Variants in COL19A1 observed in about 807,000 individuals in gnomAD.
COL19A1 encodes collagen alpha-1(XIX) chain.
COL19A1 carries 159 observed loss-of-function variants against 190.2 expected under a neutral mutation model. The observed-to-expected ratio is 0.84, with a 90% CI of 0.73 to 0.95. The LOEUF (loss-of-function observed/expected upper bound fraction) is 0.95, where lower values mean the gene tolerates loss of function less well. Ranked by LOEUF, COL19A1 falls within the 40% of genes least tolerant of loss-of-function variation. COL19A1 has a pLI of 0.00. For synonymous variants in COL19A1, 509 were observed against 458.9 expected (o/e 1.11, Z -1.39); for missense variants, 1,418 against 1,431.9 (o/e 0.99, Z 0.16).
At chr6:70,038,534 A>G (rs186439502) in intron 14 of COL19A1, among the ~76,000 whole-genome samples, 19 of 152,330 alleles carry the variant, frequency 1.2e-4, no homozygotes. Context: ...GCATACTAGT[A>G]AAATGAAGTT....
At chr6:69,992,406 T>C (rs541843663) in intron 11 of COL19A1, among the ~76,000 whole-genome samples, 38 of 152,196 alleles carry the variant, frequency 2.5e-4, no homozygotes, top group African/African-American at 9.2e-4. Flanking sequence ...AATGTTTTTC[T>C]CTAATTCTGT....
At position 70,188,090 on chromosome 6, in the gene COL19A1, C is replaced by G. The variant is rs760110988; in HGVS notation, c.2872C>G (p.Pro958Ala). 1 of 1,613,358 alleles carries G rather than the reference C, an allele frequency of 6.2e-7. No individual in the cohort carries two copies. Among genetic ancestry groups the G allele is most frequent in the South Asian group, 1.1e-5 (1 of 90,748 alleles). ...TCCTTAACAGGGTGATCAGGGGATT[C>G]CAGGAGACAGAGGCTCACAAGGTGA... ...PKGERGDQGI[P>A]GDRGSQGERG... Residue 958 changes from proline (P) to alanine (A), a missense_variant, in exon 47 of 51, where the codon CCA becomes GCA. Coordinates refer to ENST00000620364, the MANE Select transcript of COL19A1 (RefSeq NM_001858.6).
chr6:69,883,675 C>T (rs1768717764), intron 2 of COL19A1, among the ~76,000 whole-genome samples: 1 of 152,158 alleles, frequency 6.6e-6, no homozygotes, highest in Admixed American at 6.5e-5. Context: ...AACTCGTTTA[C>T]ATTTATTTTG....
At chr6:69,939,579 A>G (rs1291566655) in intron 9 of COL19A1, among the ~76,000 whole-genome samples, 1 of 152,118 alleles carries the variant, frequency 6.6e-6, no homozygotes, top group African/African-American at 2.4e-5. Context: ...GCAATTCAGT[A>G]TTATGTATCT....
In COL19A1 at chr6:69,879,715, T is replaced by C. The variant is rs1199146347; in HGVS notation, c.91+57T>C. 2.0e-6 allele frequency: 3 copies of C among 1,469,442 alleles called. No homozygotes were observed. In the South Asian group the frequency reaches 3.5e-5, roughly 17 times the overall value. 91.0% of individuals were successfully genotyped at this position (1,469,442 alleles called of 1,614,324 possible). A position where few individuals can be genotyped will look rare whatever the true frequency, so the allele number is the denominator to read the frequency against. On this transcript the variant is annotated intron_variant, in intron 2 of 50. Coordinates refer to ENST00000620364, the MANE Select transcript of COL19A1 (RefSeq NM_001858.6). ...AATGTTATTTATAGCCTTTAAGTCA[T>C]TAAAACAAATCTTGTTAAGATTGAA...
At chr6:69,887,684 T>C (rs1769034840) in intron 2 of COL19A1, among the ~76,000 whole-genome samples, 2 of 152,194 alleles carry the variant, frequency 1.3e-5, no homozygotes, top group Admixed American at 1.3e-4. Context: ...CAGCTAAAGA[T>C]GAGTTCCTTG....
chr6:70,158,785 A>T (rs1383795141), intron 34 of COL19A1, among the ~76,000 whole-genome samples: 1 of 152,126 alleles, frequency 6.6e-6, no homozygotes, highest in Admixed American at 6.6e-5. Context: ...GCAGGGTAAG[A>T]ACATAGCTCC....
intron 9 of COL19A1, among the ~76,000 whole-genome samples, chr6:69,958,209 A>G (rs1257897930): frequency 1.3e-5 from 2 of 152,184 alleles, no homozygotes; most frequent in Non-Finnish European, 2.9e-5. Flanking sequence ...GAGCAAAGAA[A>G]AAGGGGAGAT....
intron 11 of COL19A1, among the ~76,000 whole-genome samples, chr6:69,968,984 T>A (rs1221720986): frequency 6.6e-6 from 1 of 152,184 alleles, no homozygotes; most frequent in Non-Finnish European, 1.5e-5. Context: ...GTGTTCTGTG[T>A]TCCAGTCCAG....
chr6:69,982,950 C>A (rs908881618), intron 11 of COL19A1, among the ~76,000 whole-genome samples: 1 of 149,536 alleles, frequency 6.7e-6, no homozygotes, highest in Non-Finnish European at 1.5e-5. Context: ...CCAGCCTGAG[C>A]AACAGAGCGA....
At chr6:70,204,324 A>G (rs1375152543) in intron 49 of COL19A1, among the ~76,000 whole-genome samples, 1 of 152,174 alleles carries the variant, frequency 6.6e-6, no homozygotes, top group Non-Finnish European at 1.5e-5. Flanking sequence ...GAGTTTTGTT[A>G]TGAAGTAATG....
At chr6:69,986,817 C>G (rs1776340781) in intron 11 of COL19A1, among the ~76,000 whole-genome samples, 1 of 152,196 alleles carries the variant, frequency 6.6e-6, no homozygotes, top group Non-Finnish European at 1.5e-5. Context: ...AACTTTGTAG[C>G]TGCAATTGGA....
In COL19A1 at chr6:70,211,777, T is replaced by C. The variant is rs893799481; in HGVS notation, c.*4503T>C. On this transcript the variant is annotated 3_prime_UTR_variant, in exon 51 of 51. Coordinates refer to ENST00000620364, the MANE Select transcript of COL19A1 (RefSeq NM_001858.6). Reference sequence around the variant, plus strand: ...AATAATGCTAGAGTAACTGATCAATTTGGTTAAATTGAATGAAGAACCAAG... The same window carrying C: ...AATAATGCTAGAGTAACTGATCAATCTGGTTAAATTGAATGAAGAACCAAG... Among the ~76,000 whole-genome samples the C allele has an allele frequency of 2.6e-5, 4 of 151,874 alleles. No individual in the cohort carries two copies. The highest frequency in any genetic ancestry group is 7.3e-5 in the African/African-American group (3 of 41,356).
At chr6:69,918,357 G>A (rs1020582504) in intron 4 of COL19A1, among the ~76,000 whole-genome samples, 2 of 152,122 alleles carry the variant, frequency 1.3e-5, no homozygotes, top group African/African-American at 4.8e-5. Context: ...CATGGTGATA[G>A]TGGAGATGGA....
intron 41 of COL19A1, among the ~76,000 whole-genome samples, chr6:70,173,940 A>G (rs1184181230): frequency 6.6e-6 from 1 of 152,172 alleles, no homozygotes; most frequent in East Asian, 1.9e-4. Flanking sequence ...CAATGTCTTT[A>G]AGTAGCCTAG....
At chr6:70,194,132 G>A (rs978413126) in intron 48 of COL19A1, among the ~76,000 whole-genome samples, 5 of 152,150 alleles carry the variant, frequency 3.3e-5, no homozygotes, top group African/African-American at 1.2e-4. Context: ...CTGCAGCCTC[G>A]AGAGCCATTG....
chr6:70,032,121 G>A (rs1163679608), intron 12 of COL19A1, among the ~76,000 whole-genome samples: 3 of 152,120 alleles, frequency 2.0e-5, no homozygotes, highest in Non-Finnish European at 4.4e-5. Flanking sequence ...GACATCAAGG[G>A]TAGGGTGATT....
chr6:69,935,514 G>C (rs185890103), intron 7 of COL19A1, among the ~76,000 whole-genome samples: 52 of 152,064 alleles, frequency 3.4e-4, no homozygotes, highest in African/African-American at 1.2e-3. Flanking sequence ...TAATAACCTT[G>C]TTCCATTCAA....
chr6:70,206,445 A>G (rs1767853395), intron 49 of COL19A1, among the ~76,000 whole-genome samples: 1 of 152,144 alleles, frequency 6.6e-6, no homozygotes, highest in Non-Finnish European at 1.5e-5. Context: ...CCTGGCCAAC[A>G]TGGCAAAACC....
Sources: gnomAD v4.1 joint callset for allele counts (sites outside exome capture counted in the v4.1 genomes callset) on GRCh38, gnomAD v4.1.1 for gene constraint, MANE v1.5 for transcripts, NCBI Gene and HGNC (gene_info 2026-07-23, HGNC 2026-07-21) for gene names.